ANKS1A: variants seen among roughly 807,000 people sequenced by gnomAD.
The protein encoded by ANKS1A is ankyrin repeat and sterile alpha motif domain containing 1A.
In ANKS1A, 55 loss-of-function variants were observed where a neutral mutation model predicts 120.3. The observed-to-expected ratio is 0.46, with a 90% CI of 0.37 to 0.57. ANKS1A has a LOEUF of 0.57. ANKS1A is among the 20% of genes least tolerant of loss of function. ANKS1A has a pLI of 0.00. For synonymous variants in ANKS1A, 590 were observed against 604.7 expected, an observed-to-expected ratio of 0.98 and a Z score of 0.36; for missense variants, 1,123 against 1,480.3, an observed-to-expected ratio of 0.76 and a Z score of 3.96.
Position 35,085,007 on chromosome 6 carries a change from A to T in ANKS1A, c.3132+749A>T, listed in dbSNP as rs1777890164. On this transcript the variant is annotated intron_variant, in intron 21 of 23. Coordinates refer to ENST00000360359, the MANE Select transcript of ANKS1A (RefSeq NM_015245.3). The surrounding 1 kb of genome is among the most constrained non-coding windows in gnomAD (Gnocchi z 4.7). ...GCCCTCAGGGATAGCAGCTGCTTCCAGAATCTCTGTGGCTCCTGGAATACA... is the reference window on the plus strand; with the variant it reads ...GCCCTCAGGGATAGCAGCTGCTTCCTGAATCTCTGTGGCTCCTGGAATACA... 6.6e-6 allele frequency among the ~76,000 whole-genome samples: 1 copy of T among 152,126 alleles called. No homozygotes were observed. Among genetic ancestry groups the T allele is most frequent in the Non-Finnish European group, 1.5e-5 (1 of 68,010 alleles).
rs371111215 is a variant in ANKS1A at position 35,060,190 on chromosome 6, G to A, written c.2121G>A (p.Ser707=). Residue 707 remains serine, a synonymous_variant, in exon 13 of 24, where the codon TCG becomes TCA. Coordinates refer to ENST00000360359, the MANE Select transcript of ANKS1A (RefSeq NM_015245.3). The surrounding 1 kb of genome is among the most constrained non-coding windows in gnomAD (Gnocchi z 4.5). ...LEQSVGEWLE[S]IGLQQYESKL... ...AGAGTGTCGGGGAGTGGCTGGAGTC[G>A]ATTGGGCTGCAGCAGTATGAGAGCA... 179 of 1,612,596 alleles carry A rather than the reference G, an allele frequency of 1.1e-4. No homozygotes were observed. The highest frequency in any genetic ancestry group is 2.8e-4 in the Admixed American group (17 of 59,816).
Position 34,989,376 on chromosome 6 carries a change from G to A in ANKS1A, c.1302+60G>A, listed in dbSNP as rs1007389240. ...ATTTGAGTTTGTTGAAAAGTGCATC[G>A]ATGTGTGCTTTAAAAGACTTTGCTT... On this transcript the variant is annotated intron_variant, in intron 9 of 23. Coordinates refer to ENST00000360359, the MANE Select transcript of ANKS1A (RefSeq NM_015245.3). The A allele has an allele frequency of 8.0e-5, 118 of 1,471,396 alleles. 1 individual carries two copies. In the African/African-American group the frequency reaches 1.4e-3, roughly 18 times the overall value. 91.1% of individuals were successfully genotyped at this position (1,471,396 alleles called of 1,614,324 possible). A position where few individuals can be genotyped will look rare whatever the true frequency, so the allele number is the denominator to read the frequency against.
chr6:34,990,042 T>C (rs1772422818), intron 9 of ANKS1A, among the ~76,000 whole-genome samples: 1 of 152,258 alleles, frequency 6.6e-6, no homozygotes, highest in Non-Finnish European at 1.5e-5. Context: ...AGTCATTTTG[T>C]AGCTCATTCA....
In ANKS1A at chr6:35,090,899, C is replaced by A; in HGVS notation, c.*2290C>A. On this transcript the variant is annotated 3_prime_UTR_variant, in exon 24 of 24. Coordinates refer to ENST00000360359, the MANE Select transcript of ANKS1A (RefSeq NM_015245.3). ...CCCACCAGCTGCTCAGCGCATAAGA[C>A]CTTCCCGACAGGCTCTGCGTGTGCA... is the stretch of plus-strand genomic sequence containing the variant. The A allele has an allele frequency of 2.0e-6, 2 of 985,696 alleles. No individual in the cohort carries two copies. The highest frequency in any genetic ancestry group is 2.4e-6 in the Non-Finnish European group (2 of 830,100). The allele number at this position is 985,696 out of a possible 1,614,324, so 61.1% of individuals were successfully genotyped here.
At chr6:34,950,028 T>C (rs1769993620) in intron 1 of ANKS1A, among the ~76,000 whole-genome samples, 1 of 152,158 alleles carries the variant, frequency 6.6e-6, no homozygotes, top group African/African-American at 2.4e-5. Flanking sequence ...GCTTCACTTT[T>C]AAAAAGTGTT....
At chr6:34,974,652 TA>T (rs1483232026) in intron 3 of ANKS1A, among the ~76,000 whole-genome samples, 2 of 152,154 alleles carry the variant, frequency 1.3e-5, no homozygotes, top group Non-Finnish European at 2.9e-5. Context: ...TGCGACTTAT[TA>T]GTTTTGTTGA....
At chr6:34,960,860 C>T (rs1770600398) in intron 1 of ANKS1A, among the ~76,000 whole-genome samples, 1 of 152,222 alleles carries the variant, frequency 6.6e-6, no homozygotes, top group African/African-American at 2.4e-5. Context: ...TCATGGTAGA[C>T]TTTACAAATG....
At chr6:34,937,989 C>G (rs1449763198) in intron 1 of ANKS1A, among the ~76,000 whole-genome samples, 2 of 152,152 alleles carry the variant, frequency 1.3e-5, no homozygotes, top group African/African-American at 4.8e-5. Context: ...CTTCTCCCAC[C>G]CTACCCCACA....
chr6:35,049,828 C>A (rs1009849145), intron 11 of ANKS1A, among the ~76,000 whole-genome samples: 3 of 152,228 alleles, frequency 2.0e-5, no homozygotes, highest in African/African-American at 7.2e-5. Flanking sequence ...CATGTCGTAG[C>A]CCTGCACACA....
At chr6:34,984,285 G>A (rs1174079655) in intron 7 of ANKS1A, among the ~76,000 whole-genome samples, 1 of 152,104 alleles carries the variant, frequency 6.6e-6, no homozygotes, top group African/African-American at 2.4e-5. Flanking sequence ...ATAGAATAAA[G>A]ATTGACACCT....
rs1219357927 is a variant in ANKS1A at position 34,981,947 on chromosome 6, C to G, written c.693C>G (p.Val231=). 1 of 1,614,044 alleles carries G rather than the reference C, an allele frequency of 6.2e-7. No homozygotes were observed. The highest frequency in any genetic ancestry group is 8.5e-7 in the Non-Finnish European group (1 of 1,180,030). ...LAARNGHKAV[V]QVLLDAGMDS... ...CAAGGAATGGCCACAAAGCCGTGGT[C>G]CAGGTCCTCCTCGATGCTGGCATGG... The change falls in exon 4 of 24, where the codon GTC becomes GTG. Residue 231 remains valine (V), a synonymous_variant. Transcript: ENST00000360359.
Position 34,977,371 on chromosome 6 carries a change from G to A in ANKS1A, c.436-4319G>A, listed in dbSNP as rs553982977. Among the ~76,000 whole-genome samples the A allele has an allele frequency of 8.6e-5, 13 of 151,326 alleles. No homozygotes were observed. In the East Asian group the frequency reaches 2.3e-3, roughly 27 times the overall value. On this transcript the variant is annotated intron_variant, in intron 3 of 23. Transcript: ENST00000360359. Reference sequence around the variant, plus strand: ...CTTAAGTTGGTGCCTACAAATCTGGGGTAAACCTACTACTAGCATTTTAGC... The same window carrying A: ...CTTAAGTTGGTGCCTACAAATCTGGAGTAAACCTACTACTAGCATTTTAGC...
rs769200598 is a variant in ANKS1A, at chr6:34,941,278, G to A, written c.198-25961G>A. Among the ~76,000 whole-genome samples, 15 of 152,108 alleles carry A rather than the reference G, an allele frequency of 9.9e-5. 1 individual carries two copies. The highest frequency in any genetic ancestry group is 6.5e-5 in the Admixed American group (1 of 15,272). Reference sequence around the variant, plus strand: ...TGGGATTACAGGTGTGAGCCACCGCGCCAGCCTAACAATTTTATGTATTTA... The same window carrying A: ...TGGGATTACAGGTGTGAGCCACCGCACCAGCCTAACAATTTTATGTATTTA... On this transcript the variant is annotated intron_variant, in intron 1 of 23. Coordinates refer to ENST00000360359, the MANE Select transcript of ANKS1A (RefSeq NM_015245.3).
At position 35,084,138 on chromosome 6, in the gene ANKS1A, C is replaced by T. The variant is rs762317682; in HGVS notation, c.3012C>T (p.His1004=). ...CCCAGCAGAACGTCATTGCAGAGCA[C>T]GAGATCCGGAACATTTCCTGTGCGG... is the stretch of plus-strand genomic sequence containing the variant. ...DASNKNVIAE[H]EIRNISCAAQ... Residue 1004 remains histidine (H), a synonymous_variant, in exon 21 of 24, where the codon CAC becomes CAT. Coordinates refer to ENST00000360359, the MANE Select transcript of ANKS1A (RefSeq NM_015245.3). This position sits in a 1 kb window ranked among gnomAD's most constrained non-coding sequence, Gnocchi z 4.8. 66 of 1,614,058 alleles carry T rather than the reference C, an allele frequency of 4.1e-5. No individual in the cohort carries two copies. The highest frequency in any genetic ancestry group is 1.5e-4 in the Admixed American group (9 of 60,008).
chr6:34,924,586 C>A (rs574785892), intron 1 of ANKS1A, among the ~76,000 whole-genome samples: 3 of 152,222 alleles, frequency 2.0e-5, no homozygotes, highest in South Asian at 4.2e-4. Flanking sequence ...ATCGGTGACT[C>A]CTGCCATTTC....
Position 35,085,946 on chromosome 6 carries a change from C to A in ANKS1A, c.3303+10C>A. 1 of 1,588,034 alleles carries A rather than the reference C, an allele frequency of 6.3e-7. No homozygotes were observed. The highest frequency in any genetic ancestry group is 8.6e-7 in the Non-Finnish European group (1 of 1,169,172). ...CGTGAGGAAATCCGCAGTACGTGGG[C>A]CCCACTGGCCAAGATCCCCCTCTCC... On this transcript the variant is annotated intron_variant, in intron 22 of 23. Coordinates refer to ENST00000360359, the MANE Select transcript of ANKS1A (RefSeq NM_015245.3). This position sits in a 1 kb window ranked among gnomAD's most constrained non-coding sequence, Gnocchi z 4.7.
intron 13 of ANKS1A, among the ~76,000 whole-genome samples, chr6:35,065,713 C>T (rs1399575979): frequency 6.6e-6 from 1 of 152,226 alleles, no homozygotes; most frequent in Non-Finnish European, 1.5e-5. Context: ...CACTGGGGCC[C>T]ATCAGGCTGG....
At chr6:34,925,561 A>G (rs979750065) in intron 1 of ANKS1A, among the ~76,000 whole-genome samples, 1 of 152,232 alleles carries the variant, frequency 6.6e-6, no homozygotes, top group Non-Finnish European at 1.5e-5. Context: ...ATGACAAGAC[A>G]TGGAGGAAGA....
intron 10 of ANKS1A, among the ~76,000 whole-genome samples, chr6:35,001,202 T>C (rs1286864493): frequency 6.6e-6 from 1 of 152,246 alleles, no homozygotes; most frequent in East Asian, 1.9e-4. Context: ...AAATGGTGTT[T>C]AGCTTTCTTT....
Sources: allele counts gnomAD v4.1 joint callset (sites outside exome capture counted in the v4.1 genomes callset), GRCh38; gene constraint gnomAD v4.1.1; non-coding constraint Gnocchi (gnomAD v3.1); transcripts MANE v1.5; gene names NCBI Gene and HGNC (gene_info 2026-07-23, HGNC 2026-07-21).